Variants in PIP5K1C observed in about 807,000 individuals in gnomAD.
The protein encoded by PIP5K1C is phosphatidylinositol 4-phosphate 5-kinase type-1 gamma.
PIP5K1C carries 45 observed loss-of-function variants against 80.1 expected under a neutral mutation model. That is an observed-to-expected ratio of 0.56 (90% CI 0.44 to 0.72). The LOEUF is 0.72. PIP5K1C is among the 30% of genes least tolerant of loss of function. The pLI is 0.00. For missense variants in PIP5K1C, 753 were observed against 954.6 expected, an observed-to-expected ratio of 0.79 and a Z score of 2.78; for synonymous variants, 498 against 420.1, an observed-to-expected ratio of 1.19 and a Z score of -2.27.
chr19:3,698,073 CCT>C (rs1184484993), intron 1 of PIP5K1C, among the ~76,000 whole-genome samples: 8 of 152,266 alleles, frequency 5.3e-5, no homozygotes, highest in Admixed American at 1.3e-4. Context: ...TCCCTCGGCC[CCT>C]GTCGGACAAG....
rs1445357871 is a variant in PIP5K1C at position 3,632,901 on chromosome 19, T to A, written c.*266A>T. On this transcript the variant is annotated 3_prime_UTR_variant, in exon 18 of 18. Transcript: ENST00000335312. Reference sequence around the variant, plus strand: ...AAAACGGCACACACGTGCTTCCGTCTCTGTGCCAAATAAGGACTCAAATGC... The same window carrying A: ...AAAACGGCACACACGTGCTTCCGTCACTGTGCCAAATAAGGACTCAAATGC... 2 of 514,302 alleles carry A rather than the reference T, an allele frequency of 3.9e-6. No individual in the cohort carries two copies. Among genetic ancestry groups the A allele is most frequent in the Non-Finnish European group, 6.8e-6 (2 of 292,082 alleles). 31.9% of individuals were successfully genotyped at this position (514,302 alleles called of 1,614,324 possible).
chr19:3,679,679 A>G (rs1419952235), intron 1 of PIP5K1C, among the ~76,000 whole-genome samples: 1 of 152,078 alleles, frequency 6.6e-6, no homozygotes, highest in Non-Finnish European at 1.5e-5. Context: ...AGAGGACGTG[A>G]CCTGGGACCT....
rs2034348906 is a variant in PIP5K1C, at chr19:3,648,939, G to A, written c.1128-231C>T. ...CTGAGGAGTCCCAGCTAGGAGGCCT[G>A]GGCACATACCCCCTACACACACGTG... On this transcript the variant is annotated intron_variant, in intron 8 of 17. Transcript: ENST00000335312. This position sits in a 1 kb window ranked among gnomAD's most constrained non-coding sequence, Gnocchi z 4.3. Among the ~76,000 whole-genome samples the A allele has an allele frequency of 6.6e-6, 1 of 152,112 alleles. No individual in the cohort carries two copies. Among genetic ancestry groups the A allele is most frequent in the Non-Finnish European group, 1.5e-5 (1 of 67,996 alleles).
At chr19:3,656,599 GAC>G (rs754589992) in intron 5 of PIP5K1C, 42 bp from the exon 6 acceptor site, 1 of 1,609,808 alleles carries the variant, frequency 6.2e-7, no homozygotes, top group Admixed American at 1.7e-5. Context: ...CAAGCTGCCG[GAC>G]ACACAGACAG....
rs1215052723 is a variant in PIP5K1C at position 3,630,539 on chromosome 19, T to C, written c.*2628A>G. The C allele has an allele frequency of 2.0e-5, 3 of 152,234 alleles. No individual in the cohort carries two copies. The highest frequency in any genetic ancestry group is 2.0e-4 in the Admixed American group (3 of 15,248). 9.4% of individuals were successfully genotyped at this position (152,234 alleles called of 1,614,324 possible). The stretch of plus-strand genomic sequence containing the variant: ...ATGAGGAGGAGGTGGCAGGCGCCTC[T>C]CCTGGGGTGGGGACTGAGGGCTGTG... On this transcript the variant is annotated 3_prime_UTR_variant, in exon 18 of 18. Transcript: ENST00000335312.
At position 3,667,371 on chromosome 19, in the gene PIP5K1C, T is replaced by A. The variant is rs1482051065; in HGVS notation, c.95-18A>T. ...AGCCAAACCTGCAGAAGAGACAAGC[T>A]GGGTATCAGACAGGAAACCGGTGAC... On this transcript the variant is annotated intron_variant, in intron 1 of 17. Transcript: ENST00000335312. 34 of 1,612,698 alleles carry A rather than the reference T, an allele frequency of 2.1e-5. No homozygotes were observed. Among genetic ancestry groups the A allele is most frequent in the Non-Finnish European group, 2.9e-5 (34 of 1,179,824 alleles).
Position 3,632,044 on chromosome 19 carries a change from C to A in PIP5K1C, c.*1123G>T, listed in dbSNP as rs1353477278. On this transcript the variant is annotated 3_prime_UTR_variant, in exon 18 of 18. Transcript: ENST00000335312. ...GCGCAGCGGGCCCAGGAAGCTGCCC[C>A]AGGGCAGTCTGGGCTGAGTCCCACC... is the stretch of plus-strand genomic sequence containing the variant. 1.3e-5 allele frequency: 2 copies of A among 152,300 alleles called. No homozygotes were observed. The highest frequency in any genetic ancestry group is 3.9e-4 in the East Asian group (2 of 5,178). 9.4% of individuals were successfully genotyped at this position (152,300 alleles called of 1,614,324 possible). A position where few individuals can be genotyped will look rare whatever the true frequency, so the allele number is the denominator to read the frequency against.
intron 13 of PIP5K1C, 41 bp from the exon 14 acceptor site, chr19:3,642,980 T>C: frequency 1.2e-6 from 2 of 1,609,276 alleles, no homozygotes; most frequent in Non-Finnish European, 8.5e-7. Flanking sequence ...AGAAAGAGAG[T>C]GGCCCGCCTG....
At position 3,644,333 on chromosome 19, in the gene PIP5K1C, C is replaced by T. The variant is rs953878138; in HGVS notation, c.1346-82G>A. On this transcript the variant is annotated intron_variant, in intron 11 of 17. Transcript: ENST00000335312. ...CAGACAGGGCCGCCGCCCACATATA[C>T]CCCACGTCCCTGTGGCCCACCAGAC... is the stretch of plus-strand genomic sequence containing the variant. 2.9e-6 allele frequency: 4 copies of T among 1,392,964 alleles called. No homozygotes were observed. The African/African-American group carries it at 4.2e-5, about 15-fold the overall frequency. The allele number at this position is 1,392,964 out of a possible 1,614,324, so 86.3% of individuals were successfully genotyped here. A position where few individuals can be genotyped will look rare whatever the true frequency, so the allele number is the denominator to read the frequency against.
chr19:3,652,238 A>G (rs1236311401), intron 7 of PIP5K1C, among the ~76,000 whole-genome samples: 2 of 152,224 alleles, frequency 1.3e-5, no homozygotes, highest in African/African-American at 4.8e-5. Flanking sequence ...AGAGCAGGCC[A>G]GAGAATGGGG....
chr19:3,645,451 C>T (rs1300728594), intron 11 of PIP5K1C, among the ~76,000 whole-genome samples: 2 of 152,196 alleles, frequency 1.3e-5, no homozygotes, highest in Non-Finnish European at 2.9e-5. Context: ...ATGGGGACCT[C>T]CCCCGGGCAC....
intron 1 of PIP5K1C, among the ~76,000 whole-genome samples, chr19:3,687,230 C>T (rs948456085): frequency 6.6e-6 from 1 of 151,456 alleles, no homozygotes; most frequent in Non-Finnish European, 1.5e-5. Flanking sequence ...GGCATGGTGG[C>T]ACATGCCTGT....
Position 3,699,272 on chromosome 19 carries a change from C to G in PIP5K1C, c.94+1025G>C, listed in dbSNP as rs1340700385. Among the ~76,000 whole-genome samples the G allele has an allele frequency of 2.0e-5, 3 of 150,320 alleles. No homozygotes were observed. The Admixed American group carries it at 2.0e-4, about 10-fold the overall frequency. On this transcript the variant is annotated intron_variant, in intron 1 of 17. Coordinates refer to ENST00000335312, the MANE Select transcript of PIP5K1C (RefSeq NM_012398.3). ...ACTGGCTCTGGGGAAGGAACCGGGT[C>G]ACCTACCAAGCGGTTCCAGATGGCC... is the stretch of plus-strand genomic sequence containing the variant.
intron 13 of PIP5K1C, 106 bp from the exon 14 acceptor site, chr19:3,643,045 C>T (rs1599936887): frequency 3.4e-6 from 5 of 1,486,936 alleles, no homozygotes; most frequent in Middle Eastern, 1.8e-4. Context: ...GGCAGCCCTG[C>T]CCACCTGTAC....
intron 5 of PIP5K1C, among the ~76,000 whole-genome samples, chr19:3,657,572 A>G (rs1374458496): frequency 1.3e-5 from 2 of 152,078 alleles, no homozygotes; most frequent in East Asian, 1.9e-4. Flanking sequence ...GCCGCCTCCA[A>G]TGCTGCTGTG....
In PIP5K1C at chr19:3,692,792, C is replaced by T. The variant is rs917259911; in HGVS notation, c.94+7505G>A. ...TCAAAGCCCAAGTCCTCCCTGCAGC[C>T]CACAAGGCCCTGCACACCCTGCCCC... On this transcript the variant is annotated intron_variant, in intron 1 of 17. Coordinates refer to ENST00000335312, the MANE Select transcript of PIP5K1C (RefSeq NM_012398.3). The surrounding 1 kb of genome is among the most constrained non-coding windows in gnomAD (Gnocchi z 5.2). Among the ~76,000 whole-genome samples, 19 of 152,202 alleles carry T rather than the reference C, an allele frequency of 1.2e-4. No individual in the cohort carries two copies. The highest frequency in any genetic ancestry group is 2.7e-4 in the African/African-American group (11 of 41,508).
intron 3 of PIP5K1C, among the ~76,000 whole-genome samples, chr19:3,663,549 C>T (rs1378057006): frequency 2.6e-5 from 4 of 152,230 alleles, no homozygotes; most frequent in Non-Finnish European, 5.9e-5. Flanking sequence ...AGGGGGGCCA[C>T]GCACCTGGAA....
At position 3,652,002 on chromosome 19, in the gene PIP5K1C, G is replaced by A. The variant is rs1055520883; in HGVS notation, c.951C>T (p.Tyr317=). 6.8e-6 allele frequency: 11 copies of A among 1,613,192 alleles called. No homozygotes were observed. Among genetic ancestry groups the A allele is most frequent in the Middle Eastern group, 1.6e-4 (1 of 6,062 alleles). Residue 317 remains tyrosine, a synonymous_variant, in exon 8 of 18, where the codon TAC becomes TAT. Coordinates refer to ENST00000335312, the MANE Select transcript of PIP5K1C (RefSeq NM_012398.3). ...TGTTGTGCACGCCCAGCAGCAGGCT[G>A]TAGTCCATGATCTTGAAACTTTCCA... ...LVLESFKIMD[Y]SLLLGVHNID...
chr19:3,661,353 T>C (rs1436957022), intron 4 of PIP5K1C, among the ~76,000 whole-genome samples: 1 of 152,220 alleles, frequency 6.6e-6, no homozygotes, highest in Non-Finnish European at 1.5e-5. Context: ...CCCCAGCCTC[T>C]TGCAGCTAGG....
Sources: gnomAD v4.1 joint callset for allele counts (sites outside exome capture counted in the v4.1 genomes callset) on GRCh38, gnomAD v4.1.1 for gene constraint, Gnocchi (gnomAD v3.1) non-coding constraint, MANE v1.5 for transcripts, NCBI Gene and HGNC (gene_info 2026-07-23, HGNC 2026-07-21) for gene names.